Variants in ZFHX4 observed in about 807,000 individuals in gnomAD.
ZFHX4 encodes the protein zinc finger homeobox protein 4.
Under a neutral mutation model 267.6 loss-of-function variants are expected in ZFHX4, and 56 were observed. The ratio of observed to expected loss-of-function variants is 0.21; its 90% confidence interval spans 0.17 to 0.26. The LOEUF is 0.26. ZFHX4 is among the 10% of genes least tolerant of loss of function. ZFHX4 has a pLI of 1.00. For synonymous variants in ZFHX4, 1,778 were observed against 1,665.6 expected (o/e 1.07, Z -1.64); for missense variants, 4,332 against 4,420.0 (o/e 0.98, Z 0.56).
intron 4 of ZFHX4, among the ~76,000 whole-genome samples, chr8:76,802,855 A>G (rs993799085): frequency 2.0e-5 from 3 of 152,186 alleles, no homozygotes; most frequent in Admixed American, 1.3e-4. Context: ...AAATATTAGA[A>G]GGAGAAAACA....
rs1812976228 is a variant in ZFHX4 at position 76,864,503 on chromosome 8, A to G, written c.10789A>G (p.Lys3597Glu). 6.2e-7 allele frequency: 1 copy of G among 1,613,394 alleles called. No individual in the cohort carries two copies. ...DLDNSLEVKA[K>E]PASGLDGNFN... Reference sequence around the variant, plus strand: ...AGATAATTCTTTGGAAGTGAAGGCTAAGCCTGCTTCTGGCCTAGATGGTAA... The same window carrying G: ...AGATAATTCTTTGGAAGTGAAGGCTGAGCCTGCTTCTGGCCTAGATGGTAA... Residue 3597 changes from lysine to glutamate, a missense_variant, in exon 11 of 11, where the codon AAG becomes GAG. Coordinates refer to ENST00000651372, the MANE Select transcript of ZFHX4 (RefSeq NM_024721.5).
chr8:76,807,775 C>T (rs895727568), intron 4 of ZFHX4, among the ~76,000 whole-genome samples: 2 of 152,068 alleles, frequency 1.3e-5, no homozygotes, highest in Admixed American at 1.3e-4. Context: ...CAATCAATGC[C>T]TCCTTCTGTA....
intron 3 of ZFHX4, among the ~76,000 whole-genome samples, chr8:76,718,661 G>T (rs898725102): frequency 6.6e-6 from 1 of 151,968 alleles, no homozygotes. Context: ...GATTTTTGAA[G>T]AGCTGTTTAA....
At chr8:76,849,262 A>G (rs1187654749) in intron 7 of ZFHX4, 134 bp downstream of exon 7, 3 of 1,066,402 alleles carry the variant, frequency 2.8e-6, no homozygotes, top group Non-Finnish European at 4.0e-6. Flanking sequence ...TCTTGGTATT[A>G]CCTCTAATGT....
At chr8:76,694,570 G>T (rs542132488) in intron 1 of ZFHX4, among the ~76,000 whole-genome samples, 1 of 152,124 alleles carries the variant, frequency 6.6e-6, no homozygotes, top group East Asian at 1.9e-4. Context: ...CAGCCGGCTG[G>T]TTTGCACTGG....
intron 3 of ZFHX4, among the ~76,000 whole-genome samples, chr8:76,754,142 G>A (rs1308759962): frequency 6.6e-6 from 1 of 152,052 alleles, no homozygotes; most frequent in Non-Finnish European, 1.5e-5. Context: ...GAACATATTT[G>A]TTTACGTATC....
rs763515626 is a variant in ZFHX4, at chr8:76,852,743, A to G, written c.5822A>G (p.Glu1941Gly). The G allele has an allele frequency of 5.1e-5, 83 of 1,613,692 alleles. No individual in the cohort carries two copies. The South Asian group carries it at 5.3e-4, about 10-fold the overall frequency. Residue 1941 changes from glutamate (E) to glycine (G), a missense_variant, in exon 10 of 11, where the codon GAA (glutamate) becomes GGA (glycine). Glu to Gly is a moderately conservative substitution (Grantham distance 98). Around this residue, in one of 7 missense-constraint regions of ZFHX4, gnomAD observed 1,371 missense variants for 1,423.1 expected, o/e 0.96. Transcript: ENST00000651372. Reference protein sequence around the residue: ...VQKKGKSGEGENTDKLECGTC... With the variant: ...VQKKGKSGEGGNTDKLECGTC... ...AAGAAGGGCAAAAGTGGTGAAGGCG[A>G]AAACACTGACAAACTAGAATGTGGA...
intron 3 of ZFHX4, among the ~76,000 whole-genome samples, chr8:76,746,057 A>G (rs939998787): frequency 2.6e-5 from 4 of 152,130 alleles, no homozygotes; most frequent in African/African-American, 9.7e-5. Flanking sequence ...TTCTCAGGGA[A>G]CTTTTCACCT....
chr8:76,767,925 C>T (rs1369446357), intron 3 of ZFHX4, among the ~76,000 whole-genome samples: 1 of 152,128 alleles, frequency 6.6e-6, no homozygotes, highest in African/African-American at 2.4e-5. Context: ...GTATAAATAA[C>T]TGTAACACAA....
intron 1 of ZFHX4, among the ~76,000 whole-genome samples, chr8:76,699,337 T>A (rs1311586981): frequency 6.6e-6 from 1 of 152,122 alleles, no homozygotes; most frequent in Non-Finnish European, 1.5e-5. Flanking sequence ...TTCTATCCCT[T>A]TACATCCTTG....
chr8:76,847,066 G>C (rs1401865638), intron 6 of ZFHX4, among the ~76,000 whole-genome samples: 1 of 152,080 alleles, frequency 6.6e-6, no homozygotes, highest in Non-Finnish European at 1.5e-5. Context: ...ACAGGAGAAG[G>C]CAATTGATAG....
At chr8:76,822,576 A>T (rs1317603571) in intron 4 of ZFHX4, among the ~76,000 whole-genome samples, 1 of 149,890 alleles carries the variant, frequency 6.7e-6, no homozygotes, top group African/African-American at 2.5e-5. Flanking sequence ...AGTAACTCGG[A>T]CTACAGGTGT....
At chr8:76,716,873 C>G (rs1006544108) in intron 3 of ZFHX4, among the ~76,000 whole-genome samples, 1 of 152,136 alleles carries the variant, frequency 6.6e-6, no homozygotes, top group African/African-American at 2.4e-5. Context: ...ATAGAAAGGA[C>G]TAATAGAATA....
rs770829728 is a variant in ZFHX4 at position 76,778,259 on chromosome 8, T to A, written c.3145T>A (p.Cys1049Ser). ...GAATCCCGAATCCTGCTATTACTAC[T>A]GTGCCGTGTGTGATTACACCACCAA... is the stretch of plus-strand genomic sequence containing the variant. ...AVNPESCYYY[C>S]AVCDYTTKVK... The change falls in exon 4 of 11, where the codon TGT becomes AGT. Residue 1049 changes from cysteine to serine, a missense_variant. Coordinates refer to ENST00000651372, the MANE Select transcript of ZFHX4 (RefSeq NM_024721.5). 8 of 1,613,814 alleles carry A rather than the reference T, an allele frequency of 5.0e-6. No homozygotes were observed. Among genetic ancestry groups the A allele is most frequent in the Non-Finnish European group, 6.8e-6 (8 of 1,179,782 alleles).
At chr8:76,839,088 AG>A (rs2131906501) in intron 5 of ZFHX4, among the ~76,000 whole-genome samples, 1 of 144,302 alleles carries the variant, frequency 6.9e-6, no homozygotes, top group Admixed American at 6.7e-5. Flanking sequence ...AGAGAGAGAG[AG>A]AGAGAGAGAG....
chr8:76,808,379 A>G (rs917050379), intron 4 of ZFHX4, among the ~76,000 whole-genome samples: 5 of 152,106 alleles, frequency 3.3e-5, no homozygotes, highest in Non-Finnish European at 5.9e-5. Flanking sequence ...ACCTTTTCCT[A>G]TATCTTTTAA....
rs1486232527 is a variant in ZFHX4 at position 76,851,498 on chromosome 8, G to A, written c.4577G>A (p.Gly1526Glu). The change falls in exon 10 of 11, where the codon GGG (glycine) becomes GAG (glutamate). Residue 1526 changes from glycine to glutamate, a missense_variant. By Grantham distance (98) the Gly-to-Glu change is moderately conservative (BLOSUM62 -2). Coordinates refer to ENST00000651372, the MANE Select transcript of ZFHX4 (RefSeq NM_024721.5). ...AAGCGGACCTTACCTTTTAGAAAAG[G>A]GCCCAATTTTACGATGGAAAAATTC... ...EPKRTLPFRKGPNFTMEKFLD... is the reference protein window; with the variant it reads ...EPKRTLPFRKEPNFTMEKFLD... 1 of 1,613,720 alleles carries A rather than the reference G, an allele frequency of 6.2e-7. No individual in the cohort carries two copies. The highest frequency in any genetic ancestry group is 1.3e-5 in the African/African-American group (1 of 74,884).
At chr8:76,749,231 T>C (rs181225725) in intron 3 of ZFHX4, among the ~76,000 whole-genome samples, 1 of 152,328 alleles carries the variant, frequency 6.6e-6, no homozygotes, top group Non-Finnish European at 1.5e-5. Context: ...TACTATTTTC[T>C]TCAATTTAAT....
chr8:76,748,850 A>G (rs1809539946), intron 3 of ZFHX4, among the ~76,000 whole-genome samples: 1 of 152,130 alleles, frequency 6.6e-6, no homozygotes, highest in South Asian at 2.1e-4. Context: ...CACTGTTTTT[A>G]TTCCTGAAAA....
Sources: allele counts gnomAD v4.1 joint callset (sites outside exome capture counted in the v4.1 genomes callset), GRCh38; gene constraint gnomAD v4.1.1; regional missense constraint gnomAD v4.1.1; transcripts MANE v1.5; gene names NCBI Gene and HGNC (gene_info 2026-07-23, HGNC 2026-07-21).